BICDL1: variants seen among roughly 807,000 people sequenced by gnomAD.
BICDL1 encodes BICD family-like cargo adapter 1.
A neutral mutation model predicts 76.8 loss-of-function variants in BICDL1; 20 were observed. The ratio of observed to expected loss-of-function variants is 0.26; its 90% CI spans 0.18 to 0.38. The LOEUF (loss-of-function observed/expected upper bound fraction) is 0.38, where lower values mean the gene tolerates loss of function less well. BICDL1 is among the 10% of genes least tolerant of loss of function. The pLI, the probability that BICDL1 is intolerant of heterozygous loss-of-function variation, is 1.00. For synonymous variants in BICDL1, 383 were observed against 337.1 expected (o/e 1.14, Z -1.49); for missense variants, 700 against 798.6 (o/e 0.88, Z 1.49).
At chr12:120,052,913 C>T (rs58272825) in intron 2 of BICDL1, among the ~76,000 whole-genome samples, 20,153 of 150,644 alleles carry the variant, frequency 0.13, 1,664 homozygotes, top group East Asian at 0.4. Flanking sequence ...CTGGGCACTA[C>T]GGACTACAGG....
intron 8 of BICDL1, among the ~76,000 whole-genome samples, chr12:120,086,911 T>A (rs114952353): frequency 0.013 from 2,047 of 152,308 alleles, 43 homozygotes; most frequent in East Asian, 0.047. Context: ...GGATTGGAGG[T>A]CGTCCAGGCA....
intron 2 of BICDL1, chr12:120,000,435 T>G (rs1951736637): frequency 6.6e-6 from 1 of 152,250 alleles, no homozygotes; most frequent in Non-Finnish European, 1.5e-5. Context: ...GTAAAAATTT[T>G]TATGTTTTTG....
intron 2 of BICDL1, among the ~76,000 whole-genome samples, chr12:120,024,308 C>T (rs1488829927): frequency 6.6e-6 from 1 of 151,886 alleles, no homozygotes; most frequent in African/African-American, 2.4e-5. Flanking sequence ...AAAACACAGA[C>T]CTAAATCGAA....
intron 2 of BICDL1, among the ~76,000 whole-genome samples, chr12:120,031,344 C>T (rs755445948): frequency 1.3e-5 from 2 of 151,874 alleles, no homozygotes; most frequent in Non-Finnish European, 2.9e-5. Context: ...GCTGGGATGA[C>T]AGGTGCCCAC....
At chr12:120,009,394 A>G (rs1381534441) in intron 2 of BICDL1, among the ~76,000 whole-genome samples, 1 of 152,148 alleles carries the variant, frequency 6.6e-6, no homozygotes, top group Non-Finnish European at 1.5e-5. Context: ...TCCAAAGAGG[A>G]ACGCCTAAAG....
At chr12:120,020,744 G>T (rs891689380) in intron 2 of BICDL1, among the ~76,000 whole-genome samples, 2 of 152,174 alleles carry the variant, frequency 1.3e-5, no homozygotes, top group Admixed American at 6.5e-5. Flanking sequence ...GTTATTTGAT[G>T]ATTACAAGGA....
Position 120,093,198 on chromosome 12 carries a change from G to A in BICDL1, c.*37G>A. On this transcript the variant is annotated 3_prime_UTR_variant, in exon 10 of 10. Coordinates refer to ENST00000548673, the MANE Select transcript of BICDL1 (RefSeq NM_001367886.1). The stretch of plus-strand genomic sequence containing the variant: ...TCAGGCCACCAAAGATGGGTGGACT[G>A]GAGGCAGCTGGAAAGGCGGTGCAGG... 4 of 1,555,652 alleles carry A rather than the reference G, an allele frequency of 2.6e-6. No homozygotes were observed. Among genetic ancestry groups the A allele is most frequent in the South Asian group, 1.2e-5 (1 of 84,854 alleles).
intron 2 of BICDL1, among the ~76,000 whole-genome samples, chr12:120,030,531 C>T (rs1369415003): frequency 4.6e-5 from 7 of 152,084 alleles, no homozygotes; most frequent in Admixed American, 4.6e-4. Context: ...GATCAAAACC[C>T]CAGGAGGTAG....
At chr12:120,061,378 C>T (rs1447406977) in intron 2 of BICDL1, among the ~76,000 whole-genome samples, 3 of 152,152 alleles carry the variant, frequency 2.0e-5, no homozygotes, top group African/African-American at 7.2e-5. Context: ...GTAAAATATT[C>T]AGACTTTCAA....
chr12:120,032,317 G>C (rs536612160), intron 2 of BICDL1, among the ~76,000 whole-genome samples: 2 of 152,148 alleles, frequency 1.3e-5, no homozygotes, highest in South Asian at 4.1e-4. Flanking sequence ...AGGATTTAAA[G>C]GGAGATTTTT....
At chr12:120,013,704 C>T (rs1302507722) in intron 2 of BICDL1, among the ~76,000 whole-genome samples, 1 of 152,078 alleles carries the variant, frequency 6.6e-6, no homozygotes, top group Non-Finnish European at 1.5e-5. Flanking sequence ...TCAAGTGATC[C>T]GCCTGCCTCA....
At chr12:120,042,758 T>C (rs1446419299) in intron 2 of BICDL1, among the ~76,000 whole-genome samples, 1 of 151,330 alleles carries the variant, frequency 6.6e-6, no homozygotes. Flanking sequence ...TGAGCCGAGA[T>C]TGTGCCACTG....
chr12:120,039,113 A>G (rs1338399461), intron 2 of BICDL1, among the ~76,000 whole-genome samples: 1 of 152,002 alleles, frequency 6.6e-6, no homozygotes, highest in East Asian at 1.9e-4. Context: ...CCTGGCCAAC[A>G]TGGTGAAACC....
intron 2 of BICDL1, among the ~76,000 whole-genome samples, chr12:120,016,825 A>G (rs576253655): frequency 7.9e-4 from 114 of 144,442 alleles, no homozygotes; most frequent in Non-Finnish European, 1.2e-3. Flanking sequence ...CCACAAGAGG[A>G]CTCCTTTTTA....
chr12:120,073,815 A>C (rs2138954138), intron 6 of BICDL1, among the ~76,000 whole-genome samples: 1 of 152,352 alleles, frequency 6.6e-6, no homozygotes, highest in Non-Finnish European at 1.5e-5. Context: ...GAGCTGTCAG[A>C]ATGTGATGGT....
intron 2 of BICDL1, among the ~76,000 whole-genome samples, chr12:120,056,200 T>C (rs1261936159): frequency 6.6e-6 from 1 of 152,052 alleles, no homozygotes; most frequent in East Asian, 1.9e-4. Flanking sequence ...TTTTCTTTAC[T>C]TTTTTTTACT....
At chr12:120,092,959 G>A (rs771330412) in intron 9 of BICDL1, 41 bp from the exon 10 acceptor site, 3 of 1,505,622 alleles carry the variant, frequency 2.0e-6, no homozygotes, top group African/African-American at 2.8e-5. Flanking sequence ...TTAGGTGAGA[G>A]CAGCTACTCA....
chr12:120,067,717 G>C (rs1284832773), intron 4 of BICDL1, among the ~76,000 whole-genome samples: 1 of 152,194 alleles, frequency 6.6e-6, no homozygotes, highest in East Asian at 1.9e-4. Flanking sequence ...ATAAGAACTT[G>C]TACTTGTCTG....
At chr12:120,000,152 A>G (rs3742042) in intron 2 of BICDL1, 20,392 of 154,130 alleles carry the variant, frequency 0.13, 1,666 homozygotes, top group East Asian at 0.4. Flanking sequence ...GAGAGGGAGA[A>G]AGAAAGAAGG....
Sources: allele counts gnomAD v4.1 joint callset (sites outside exome capture counted in the v4.1 genomes callset), GRCh38; gene constraint gnomAD v4.1.1; transcripts MANE v1.5; gene names NCBI Gene and HGNC (gene_info 2026-07-23, HGNC 2026-07-21).